The following UNC79 variants were observed in gnomAD, a reference collection of about 807,000 sequenced individuals.
UNC79 encodes the protein unc-79 subunit of NALCN channel complex.
A neutral mutation model predicts 283.1 loss-of-function variants in UNC79; 37 were observed. The observed-to-expected ratio is 0.13, with a 90% CI of 0.10 to 0.17. The LOEUF is 0.17. Ranked by LOEUF, UNC79 falls within the 10% of genes least tolerant of loss-of-function variation. The pLI, the probability that UNC79 is intolerant of heterozygous loss-of-function variation, is 1.00. For synonymous variants in UNC79, 1,107 were observed against 1,200.2 expected (o/e 0.92, Z 1.61); for missense variants, 2,272 against 3,211.1 (o/e 0.71, Z 7.07).
chr14:93,607,007 A>T (rs2065932272), intron 26 of UNC79, among the ~76,000 whole-genome samples: 1 of 152,198 alleles, frequency 6.6e-6, no homozygotes, highest in Non-Finnish European at 1.5e-5. Context: ...GAGCTCTGTA[A>T]CAAGGCAAGT....
chr14:93,336,596 C>T (rs1165238299), intron 1 of UNC79, among the ~76,000 whole-genome samples: 2 of 152,266 alleles, frequency 1.3e-5, no homozygotes, highest in Non-Finnish European at 1.5e-5. Context: ...CCACCTTGGC[C>T]TCCCAAAGTG....
Position 93,469,399 on chromosome 14 carries a change from A to AT in UNC79, c.143+1616dup, listed in dbSNP as rs141243157. Among the ~76,000 whole-genome samples the AT allele has an allele frequency of 9.7e-3, 1,480 of 152,102 alleles. 25 individuals are homozygous for AT. The highest frequency in any genetic ancestry group is 0.034 in the African/African-American group (1,397 of 41,478). On this transcript the variant is annotated intron_variant, in intron 2 of 48. Transcript: ENST00000555664. ...AATGGTAATAGTAACAATTGCAACC[A>AT]TTTTTTTTAAAACTAGAAGTACAGA... is the stretch of plus-strand genomic sequence containing the variant.
intron 4 of UNC79, among the ~76,000 whole-genome samples, chr14:93,482,547 G>A (rs1433686913): frequency 6.6e-6 from 1 of 152,122 alleles, no homozygotes; most frequent in Non-Finnish European, 1.5e-5. Context: ...AGGTGAGACC[G>A]CTTTTTAATC....
chr14:93,634,593 A>G (rs79441035), intron 31 of UNC79: 1 of 1,614,136 alleles, frequency 6.2e-7, no homozygotes, highest in Non-Finnish European at 8.5e-7. Context: ...CGGCAGCTGG[A>G]GCATCAGTCT....
chr14:93,497,132 A>G, intron 6 of UNC79, 25 bp from the exon 7 acceptor site: 1 of 1,598,338 alleles, frequency 6.3e-7, no homozygotes. Context: ...ATGCTAAGTC[A>G]AAATATGCTT....
chr14:93,638,380 A>G (rs747448153), intron 32 of UNC79, among the ~76,000 whole-genome samples: 20 of 152,206 alleles, frequency 1.3e-4, no homozygotes, highest in Admixed American at 2.6e-4. Flanking sequence ...AGGGTGGTTG[A>G]ACAAATCTTT....
intron 26 of UNC79, 143 bp downstream of exon 26, chr14:93,603,561 G>A (rs1050460048): frequency 9.7e-7 from 1 of 1,034,946 alleles, no homozygotes; most frequent in Non-Finnish European, 1.4e-6. Flanking sequence ...ATTCCCTAGA[G>A]AATCACTTCA....
At chr14:93,640,629 A>G (rs183338292) in intron 32 of UNC79, among the ~76,000 whole-genome samples, 110 of 152,276 alleles carry the variant, frequency 7.2e-4, no homozygotes, top group Admixed American at 2.4e-3. Context: ...CCTTGTCACA[A>G]ACAAACAAAC....
At chr14:93,568,437 G>T (rs994601490) in intron 14 of UNC79, among the ~76,000 whole-genome samples, 2 of 152,142 alleles carry the variant, frequency 1.3e-5, no homozygotes, top group African/African-American at 4.8e-5. Context: ...AGTTTGGGAG[G>T]CCGAGGAGCA....
At chr14:93,432,021 T>G (rs2055901206) in intron 1 of UNC79, among the ~76,000 whole-genome samples, 1 of 152,208 alleles carries the variant, frequency 6.6e-6, no homozygotes, top group African/African-American at 2.4e-5. Flanking sequence ...TACCAGAACT[T>G]ATTCACCTAG....
intron 4 of UNC79, among the ~76,000 whole-genome samples, chr14:93,486,743 A>G (rs1008275517): frequency 2.0e-5 from 3 of 152,090 alleles, no homozygotes; most frequent in African/African-American, 2.4e-5. Flanking sequence ...CTACTTTTGA[A>G]TACTTAAAGG....
chr14:93,643,541 T>C lies in UNC79; in HGVS notation c.5904-16T>C, dbSNP rs1425963720. 41 of 1,613,648 alleles carry C rather than the reference T, an allele frequency of 2.5e-5. No individual in the cohort carries two copies. The highest frequency in any genetic ancestry group is 3.3e-5 in the Non-Finnish European group (39 of 1,180,044). On this transcript the variant is annotated splice_polypyrimidine_tract_variant and intron_variant, in intron 33 of 48. Transcript: ENST00000555664. Reference sequence around the variant, plus strand: ...TTCTTTCTTTCATGGAAAGCATGTCTCTCTTTTCTTTGCAGATGCCATGAC... The same window carrying C: ...TTCTTTCTTTCATGGAAAGCATGTCCCTCTTTTCTTTGCAGATGCCATGAC...
At chr14:93,673,215 G>T (rs1483418368) in intron 40 of UNC79, 136 bp from the exon 44 acceptor site, 4 of 680,942 alleles carry the variant, frequency 5.9e-6, no homozygotes, top group Non-Finnish European at 9.5e-6. Context: ...TTTATTTCTT[G>T]AGGACACTTC....
chr14:93,554,352 C>CAA (rs779847738), intron 14 of UNC79, among the ~76,000 whole-genome samples: 1,121 of 76,352 alleles, frequency 0.015, 16 homozygotes, highest in African/African-American at 0.048. Context: ...GACTCTGTCT[C>CAA]AAAAAAAAAA....
chr14:93,396,023 G>A (rs1038855269), intron 1 of UNC79, among the ~76,000 whole-genome samples: 4 of 151,952 alleles, frequency 2.6e-5, no homozygotes, highest in Non-Finnish European at 4.4e-5. Context: ...TTATGCATAT[G>A]TTTGCATGCT....
intron 7 of UNC79, among the ~76,000 whole-genome samples, chr14:93,513,414 T>G (rs919957515): frequency 2.0e-5 from 3 of 152,042 alleles, no homozygotes; most frequent in Non-Finnish European, 4.4e-5. Context: ...GAGATGGGCC[T>G]CCCTATGTTG....
rs2075748602 is a variant in UNC79 at position 93,704,622 on chromosome 14, C to T, written c.7549-3C>T. On this transcript the variant is annotated splice_region_variant and splice_polypyrimidine_tract_variant and intron_variant, in intron 47 of 48. Transcript: ENST00000555664. ...AATGAAGCTTTTGTCTTTCTCTATA[C>T]AGCTGATACCTATGTGGTTGCCAAT... 6.2e-7 allele frequency: 1 copy of T among 1,614,192 alleles called. No individual in the cohort carries two copies. The highest frequency in any genetic ancestry group is 1.1e-5 in the South Asian group (1 of 91,086).
intron 35 of UNC79, among the ~76,000 whole-genome samples, chr14:93,649,208 G>T (rs2069973173): frequency 6.6e-6 from 1 of 152,108 alleles, no homozygotes; most frequent in South Asian, 2.1e-4. Context: ...AACATAAGAT[G>T]ATATTATTGT....
At position 93,477,722 on chromosome 14, in the gene UNC79, G is replaced by T; in HGVS notation, c.613G>T (p.Ala205Ser). 3.1e-6 allele frequency: 5 copies of T among 1,609,432 alleles called. No individual in the cohort carries two copies. In the South Asian group the frequency reaches 4.4e-5, roughly 14 times the overall value. The change falls in exon 4 of 49, where the codon GCT becomes TCT. Residue 205 changes from alanine to serine, a missense_variant. Ala to Ser is a moderately conservative substitution (Grantham distance 99, BLOSUM62 1). Coordinates refer to ENST00000555664, the Ensembl canonical transcript of UNC79. ...TCTTAGCACATCTTTTCTACCAATG[G>T]CTATATGTAAGTCCAATCTTACCTA...
Sources: gnomAD v4.1 joint callset for allele counts (sites outside exome capture counted in the v4.1 genomes callset) on GRCh38, gnomAD v4.1.1 for gene constraint, MANE v1.5 for transcripts, NCBI Gene and HGNC (gene_info 2026-07-23, HGNC 2026-07-21) for gene names.